Variants in PELI2 observed in about 807,000 individuals in gnomAD.
PELI2 encodes E3 ubiquitin-protein ligase pellino homolog 2.
Under a neutral mutation model 42.3 loss-of-function variants are expected in PELI2, and 23 were observed. The ratio of observed to expected loss-of-function variants is 0.54; its 90% CI spans 0.39 to 0.77. PELI2 has a LOEUF of 0.77. Among genes scored for constraint, PELI2 ranks in the 30% least tolerant of loss-of-function variants. The probability of loss-of-function intolerance (pLI) is 0.00; values close to 1 mark genes in which losing one functional copy is unlikely to be tolerated. For synonymous variants in PELI2, 245 were observed against 212.2 expected (o/e 1.15, Z -1.34); for missense variants, 463 against 553.2 (o/e 0.84, Z 1.64).
chr14:56,242,386 A>G (rs1361536028), intron 2 of PELI2, among the ~76,000 whole-genome samples: 9 of 152,092 alleles, frequency 5.9e-5, no homozygotes, highest in African/African-American at 1.7e-4. Context: ...GGGGGAGGAG[A>G]GTCTGTGTGA....
chr14:56,268,980 C>G (rs1322499263), intron 2 of PELI2, among the ~76,000 whole-genome samples: 2 of 152,148 alleles, frequency 1.3e-5, no homozygotes, highest in African/African-American at 2.4e-5. Context: ...GGCAGAAGAA[C>G]TTTGAAAGTC....
At chr14:56,294,594 C>T (rs1889938486) in intron 5 of PELI2, among the ~76,000 whole-genome samples, 1 of 152,194 alleles carries the variant, frequency 6.6e-6, no homozygotes, top group African/African-American at 2.4e-5. Context: ...TCTTTTCCTC[C>T]ACCCCAGCTC....
At chr14:56,159,867 A>G (rs1212631049) in intron 1 of PELI2, among the ~76,000 whole-genome samples, 2 of 152,214 alleles carry the variant, frequency 1.3e-5, no homozygotes, top group African/African-American at 2.4e-5. Context: ...AGCAATGCTC[A>G]GAAGTCAGAT....
intron 2 of PELI2, among the ~76,000 whole-genome samples, chr14:56,274,109 A>G (rs1354537530): frequency 6.6e-6 from 1 of 152,198 alleles, no homozygotes; most frequent in Non-Finnish European, 1.5e-5. Context: ...AAGTGGATAC[A>G]TTTCCATGCG....
At chr14:56,156,303 T>C (rs1169276501) in intron 1 of PELI2, among the ~76,000 whole-genome samples, 1 of 152,066 alleles carries the variant, frequency 6.6e-6, no homozygotes, top group Non-Finnish European at 1.5e-5. Flanking sequence ...CCAAGCAAAA[T>C]ATATTTTTTG....
chr14:56,149,381 G>A (rs1398367852), intron 1 of PELI2, among the ~76,000 whole-genome samples: 1 of 152,162 alleles, frequency 6.6e-6, no homozygotes, highest in Non-Finnish European at 1.5e-5. Flanking sequence ...TCCGCACACT[G>A]CAGCTCGTTC....
chr14:56,191,753 T>C (rs1885955814), intron 2 of PELI2, among the ~76,000 whole-genome samples: 3 of 152,260 alleles, frequency 2.0e-5, no homozygotes, highest in Non-Finnish European at 4.4e-5. Context: ...TTTTGAGAAC[T>C]TTGTACTTGA....
At chr14:56,204,565 T>C (rs1386690368) in intron 2 of PELI2, among the ~76,000 whole-genome samples, 1 of 152,188 alleles carries the variant, frequency 6.6e-6, no homozygotes, top group East Asian at 1.9e-4. Flanking sequence ...CCTGAAGTGC[T>C]GGCATTCAGA....
intron 1 of PELI2, among the ~76,000 whole-genome samples, chr14:56,157,911 T>C (rs914888043): frequency 1.3e-5 from 2 of 152,228 alleles, no homozygotes; most frequent in African/African-American, 4.8e-5. Context: ...ATACCTAGTC[T>C]CAAACTTAGG....
At chr14:56,187,659 T>G (rs1207173996) in intron 2 of PELI2, among the ~76,000 whole-genome samples, 1 of 152,216 alleles carries the variant, frequency 6.6e-6, no homozygotes. Context: ...GAAAAAGTAC[T>G]TTATCCTCTT....
chr14:56,136,661 A>G (rs954766603), intron 1 of PELI2, among the ~76,000 whole-genome samples: 1 of 152,204 alleles, frequency 6.6e-6, no homozygotes, highest in African/African-American at 2.4e-5. Flanking sequence ...AGTGAGTGTC[A>G]GGGGTTTTAA....
chr14:56,141,613 C>G (rs998497464), intron 1 of PELI2, among the ~76,000 whole-genome samples: 7 of 152,158 alleles, frequency 4.6e-5, no homozygotes, highest in Non-Finnish European at 1.0e-4. Flanking sequence ...AGGATACTTA[C>G]AATCATGGCA....
At chr14:56,268,753 C>A (rs1038825624) in intron 2 of PELI2, among the ~76,000 whole-genome samples, 5 of 152,152 alleles carry the variant, frequency 3.3e-5, no homozygotes. Flanking sequence ...CAGGATCAGT[C>A]CCTGAAGTGA....
chr14:56,158,624 G>A (rs1884650486), intron 1 of PELI2, among the ~76,000 whole-genome samples: 1 of 152,114 alleles, frequency 6.6e-6, no homozygotes, highest in African/African-American at 2.4e-5. Context: ...CAATGTGCTG[G>A]GACTACAGGT....
chr14:56,125,779 G>T (rs940585823), intron 1 of PELI2, among the ~76,000 whole-genome samples: 4 of 152,182 alleles, frequency 2.6e-5, no homozygotes, highest in African/African-American at 9.7e-5. Context: ...TTCCACCAGA[G>T]CGTATTGCCC....
intron 2 of PELI2, among the ~76,000 whole-genome samples, chr14:56,191,811 C>T (rs1885957481): frequency 6.6e-6 from 1 of 152,060 alleles, no homozygotes; most frequent in Non-Finnish European, 1.5e-5. Flanking sequence ...AGTTAACTAC[C>T]TTTGTTTTTG....
Position 56,297,461 on chromosome 14 carries a change from AG to A in PELI2, c.*296del. 1 of 243,676 alleles carries A rather than the reference AG, an allele frequency of 4.1e-6. No individual in the cohort carries two copies. Among genetic ancestry groups the A allele is most frequent in the Non-Finnish European group, 7.5e-6 (1 of 133,500 alleles). The allele number at this position is 243,676 out of a possible 1,614,324, so 15.1% of individuals were successfully genotyped here. ...ATTTTTAACCTTGGGTTTTTAACCA[AG>A]TTTTTTTTTTTTTGTAATCTTGGAC... On this transcript the variant is annotated 3_prime_UTR_variant, in exon 6 of 6. Transcript: ENST00000267460.
chr14:56,215,376 G>C (rs987124677), intron 2 of PELI2, among the ~76,000 whole-genome samples: 11 of 152,248 alleles, frequency 7.2e-5, no homozygotes, highest in African/African-American at 2.4e-4. Context: ...AAAGCCCGCC[G>C]GGGGAGCATG....
chr14:56,118,627 G>A lies in PELI2; in HGVS notation c.-34G>A, dbSNP rs1219442254. 38 of 1,306,626 alleles carry A rather than the reference G, an allele frequency of 2.9e-5. No homozygotes were observed. The highest frequency in any genetic ancestry group is 3.4e-5 in the Non-Finnish European group (34 of 1,006,794). 80.9% of individuals were successfully genotyped at this position (1,306,626 alleles called of 1,614,324 possible). ...CGGGGATCGCGGCGGAGGCGGCGGCGTCGGCGGCGGCGTCGGCGGCCGAGC... is the reference window on the plus strand; with the variant it reads ...CGGGGATCGCGGCGGAGGCGGCGGCATCGGCGGCGGCGTCGGCGGCCGAGC... On this transcript the variant is annotated 5_prime_UTR_variant, in exon 1 of 6. Coordinates refer to ENST00000267460, the MANE Select transcript of PELI2 (RefSeq NM_021255.3).
Sources: allele counts gnomAD v4.1 joint callset (sites outside exome capture counted in the v4.1 genomes callset), GRCh38; gene constraint gnomAD v4.1.1; transcripts MANE v1.5; gene names NCBI Gene and HGNC (gene_info 2026-07-23, HGNC 2026-07-21).